The following MAGI3 variants were observed in gnomAD, a reference collection of about 807,000 sequenced individuals.
MAGI3 encodes membrane associated guanylate kinase, WW and PDZ domain containing 3, also known as membrane-associated guanylate kinase, WW and PDZ domain-containing protein 3.
In MAGI3, 43 loss-of-function variants were observed where a neutral mutation model predicts 121.8. The observed-to-expected ratio is 0.35, with a 90% CI of 0.28 to 0.46. The LOEUF (loss-of-function observed/expected upper bound fraction) is 0.46, where lower values mean the gene tolerates loss of function less well. Ranked by LOEUF, MAGI3 falls within the 20% of genes least tolerant of loss-of-function variation. The pLI is 1.00. For synonymous variants in MAGI3, 553 were observed against 639.3 expected (o/e 0.86, Z 2.04); for missense variants, 1,547 against 1,797.3 (o/e 0.86, Z 2.52).
At chr1:113,468,761 A>T (rs1220519566) in intron 1 of MAGI3, among the ~76,000 whole-genome samples, 4 of 152,176 alleles carry the variant, frequency 2.6e-5, no homozygotes, top group African/African-American at 7.2e-5. Context: ...TATTAAAATA[A>T]TTTCACCTAT....
chr1:113,577,417 T>C (rs1385078619), intron 2 of MAGI3, among the ~76,000 whole-genome samples: 2 of 151,930 alleles, frequency 1.3e-5, no homozygotes, highest in Admixed American at 6.6e-5. Context: ...TGTGTATGGC[T>C]CCAAAGAACT....
intron 1 of MAGI3, among the ~76,000 whole-genome samples, chr1:113,398,899 C>G (rs1309553359): frequency 6.6e-6 from 1 of 151,400 alleles, no homozygotes; most frequent in Non-Finnish European, 1.5e-5. Flanking sequence ...TAGATCTCAG[C>G]AGGAAAGAAA....
At chr1:113,490,938 A>G (rs1656639457) in intron 1 of MAGI3, among the ~76,000 whole-genome samples, 1 of 152,222 alleles carries the variant, frequency 6.6e-6, no homozygotes, top group Non-Finnish European at 1.5e-5. Flanking sequence ...ATAGTGGGAA[A>G]GTTTAATACC....
chr1:113,630,131 T>G (rs1256681101), intron 9 of MAGI3, among the ~76,000 whole-genome samples: 2 of 152,050 alleles, frequency 1.3e-5, no homozygotes, highest in African/African-American at 4.8e-5. Flanking sequence ...TGGTATTCTA[T>G]TCTATTCTGG....
Position 113,551,968 on chromosome 1 carries a change from C to T in MAGI3, c.433+2337C>T, listed in dbSNP as rs1659807871. 2.0e-5 allele frequency among the ~76,000 whole-genome samples: 3 copies of T among 151,982 alleles called. No individual in the cohort carries two copies. The South Asian group carries it at 6.2e-4, about 32-fold the overall frequency. On this transcript the variant is annotated intron_variant, in intron 2 of 20. Transcript: ENST00000307546. ...TTCTTTTTCCTTCCTTCTCTCCCATCATCTGACTTGAAGTAATATCTTTTT... is the reference window on the plus strand; with the variant it reads ...TTCTTTTTCCTTCCTTCTCTCCCATTATCTGACTTGAAGTAATATCTTTTT...
intron 2 of MAGI3, among the ~76,000 whole-genome samples, chr1:113,563,100 A>G (rs1660305886): frequency 6.6e-6 from 1 of 152,234 alleles, no homozygotes; most frequent in Non-Finnish European, 1.5e-5. Context: ...ATATATAGCA[A>G]TATGTAAAAG....
rs746844854 is a variant in MAGI3, at chr1:113,659,155, A to G, written c.2705A>G (p.His902Arg). ...DRCGKLKVGD[H>R]ISAVNGQSIV... ...TGTGGAAAACTGAAAGTTGGAGATC[A>G]TATCTCTGCAGTGAATGGGCAGTCC... Residue 902 changes from histidine to arginine, a missense_variant, in exon 16 of 21, where the codon CAT (histidine) becomes CGT (arginine). Coordinates refer to ENST00000307546, the MANE Select transcript of MAGI3 (RefSeq NM_001142782.2). 3.7e-5 allele frequency: 59 copies of G among 1,613,994 alleles called. No homozygotes were observed. Among genetic ancestry groups the G allele is most frequent in the Non-Finnish European group, 4.9e-5 (58 of 1,179,986 alleles).
intron 1 of MAGI3, among the ~76,000 whole-genome samples, chr1:113,398,102 A>G (rs994757276): frequency 2.0e-5 from 3 of 152,078 alleles, no homozygotes; most frequent in African/African-American, 7.2e-5. Flanking sequence ...CAACCCACTT[A>G]CCTGCAGCCC....
intron 1 of MAGI3, among the ~76,000 whole-genome samples, chr1:113,510,988 T>G (rs943671760): frequency 1.3e-5 from 2 of 152,214 alleles, no homozygotes; most frequent in African/African-American, 4.8e-5. Flanking sequence ...GTTGAAGTCT[T>G]TCTCACTAGA....
chr1:113,665,286 A>G (rs1385207473), intron 16 of MAGI3, among the ~76,000 whole-genome samples: 1 of 152,136 alleles, frequency 6.6e-6, no homozygotes, highest in Admixed American at 6.5e-5. Context: ...TCTCCTATAT[A>G]TCAACTTCCC....
At chr1:113,421,775 T>C (rs1178578702) in intron 1 of MAGI3, among the ~76,000 whole-genome samples, 2 of 152,214 alleles carry the variant, frequency 1.3e-5, no homozygotes, top group Non-Finnish European at 2.9e-5. Flanking sequence ...ACTATGGCTC[T>C]GTAATTACTT....
intron 2 of MAGI3, among the ~76,000 whole-genome samples, chr1:113,572,839 A>G (rs1238337148): frequency 6.6e-6 from 1 of 151,874 alleles, no homozygotes; most frequent in Non-Finnish European, 1.5e-5. Context: ...TCAAAAAACC[A>G]GCTCCTGGAT....
In MAGI3 at chr1:113,683,886, G is replaced by GA. The variant is rs903076047; in HGVS notation, c.4319dup (p.Thr1441AspfsTer13). Reference sequence around the variant, plus strand: ...ACTAGAGGCAGCTGACAAAAACAAAGAGACTGGAAGGTTCAAACCGGAAAG... The same window carrying GA: ...ACTAGAGGCAGCTGACAAAAACAAAGAAGACTGGAAGGTTCAAACCGGAAAG... On this transcript the variant is annotated frameshift_variant, in exon 21 of 21. Transcript: ENST00000307546. LOFTEE classifies it low-confidence loss of function (END_TRUNC). The GA allele has an allele frequency of 1.9e-6, 3 of 1,612,412 alleles. No homozygotes were observed. The African/African-American group carries it at 4.0e-5, about 22-fold the overall frequency.
chr1:113,634,402 A>G (rs1471546306), intron 9 of MAGI3, among the ~76,000 whole-genome samples: 1 of 152,138 alleles, frequency 6.6e-6, no homozygotes, highest in Non-Finnish European at 1.5e-5. Flanking sequence ...ATCTTGAATT[A>G]ATTTTTGTAT....
intron 1 of MAGI3, among the ~76,000 whole-genome samples, chr1:113,427,391 C>T (rs553337102): frequency 3.9e-5 from 6 of 152,338 alleles, no homozygotes; most frequent in African/African-American, 1.4e-4. Flanking sequence ...AAGGAGATTG[C>T]TTCCCCTGGC....
At chr1:113,464,801 C>T (rs1557771021) in intron 1 of MAGI3, among the ~76,000 whole-genome samples, 1 of 152,080 alleles carries the variant, frequency 6.6e-6, no homozygotes, top group Non-Finnish European at 1.5e-5. Flanking sequence ...GTTTTATTTT[C>T]GGGAATGTCT....
chr1:113,453,239 C>T (rs1054865438), intron 1 of MAGI3, among the ~76,000 whole-genome samples: 1 of 152,098 alleles, frequency 6.6e-6, no homozygotes, highest in Non-Finnish European at 1.5e-5. Flanking sequence ...TAACTTAAAG[C>T]ATATACTGAC....
chr1:113,579,164 G>C (rs1422935846), intron 2 of MAGI3, among the ~76,000 whole-genome samples: 2 of 152,136 alleles, frequency 1.3e-5, no homozygotes, highest in Admixed American at 1.3e-4. Context: ...TTTGCACTGT[G>C]TCAAGACTTG....
chr1:113,442,729 C>T (rs1197584473), intron 1 of MAGI3, among the ~76,000 whole-genome samples: 1 of 151,944 alleles, frequency 6.6e-6, no homozygotes, highest in East Asian at 1.9e-4. Flanking sequence ...CCCACCTCAG[C>T]CTCTCGAGTT....
Sources: gnomAD v4.1 joint callset for allele counts (sites outside exome capture counted in the v4.1 genomes callset) on GRCh38, gnomAD v4.1.1 for gene constraint, MANE v1.5 for transcripts, NCBI Gene and HGNC (gene_info 2026-07-23, HGNC 2026-07-21) for gene names.